PTPRM: variants seen among roughly 807,000 people sequenced by gnomAD.
PTPRM encodes receptor-type tyrosine-protein phosphatase mu.
In PTPRM, 47 loss-of-function variants were observed where a neutral mutation model predicts 186.7. The observed-to-expected ratio is 0.25, with a 90% CI of 0.20 to 0.32. The LOEUF (loss-of-function observed/expected upper bound fraction) is 0.32. Ranked by LOEUF, PTPRM falls within the 10% of genes least tolerant of loss-of-function variation. PTPRM has a pLI of 1.00. For synonymous variants in PTPRM, 668 were observed against 674.9 expected, an observed-to-expected ratio of 0.99 and a Z score of 0.16; for missense variants, 1,494 against 1,865.0, an observed-to-expected ratio of 0.80 and a Z score of 3.66.
At chr18:8,170,314 A>C (rs1012588081) in intron 14 of PTPRM, among the ~76,000 whole-genome samples, 1 of 152,166 alleles carries the variant, frequency 6.6e-6, no homozygotes, top group Non-Finnish European at 1.5e-5. Flanking sequence ...CTCAGCCAAG[A>C]AAAGGTCCCG....
intron 5 of PTPRM, among the ~76,000 whole-genome samples, chr18:7,947,823 T>A (rs903809754): frequency 3.3e-5 from 5 of 152,134 alleles, no homozygotes; most frequent in African/African-American, 1.2e-4. Flanking sequence ...AGCTCATCTT[T>A]CCTAAACCAC....
rs916488448 is a variant in PTPRM at position 7,568,849 on chromosome 18, C to A, written c.73+958C>A. Among the ~76,000 whole-genome samples the A allele has an allele frequency of 6.6e-6, 1 of 152,172 alleles. No individual in the cohort carries two copies. The highest frequency in any genetic ancestry group is 1.5e-5 in the Non-Finnish European group (1 of 68,034). ...CCCGGCACGCTGTCACAGGGGTTTACAACCAGGATGACCTTTATTACCTGG... is the reference window on the plus strand; with the variant it reads ...CCCGGCACGCTGTCACAGGGGTTTAAAACCAGGATGACCTTTATTACCTGG... On this transcript the variant is annotated intron_variant, in intron 1 of 32. Coordinates refer to ENST00000580170, the MANE Select transcript of PTPRM (RefSeq NM_001105244.2). The surrounding 1 kb of genome is among the most constrained non-coding windows in gnomAD (Gnocchi z 5.1).
At chr18:7,737,538 A>T (rs2040797554) in intron 1 of PTPRM, among the ~76,000 whole-genome samples, 1 of 152,114 alleles carries the variant, frequency 6.6e-6, no homozygotes, top group South Asian at 2.1e-4. Flanking sequence ...GATTAGACAG[A>T]CTCCAGGGCT....
intron 7 of PTPRM, among the ~76,000 whole-genome samples, chr18:8,055,641 C>G (rs961460009): frequency 2.0e-5 from 3 of 152,078 alleles, no homozygotes; most frequent in Non-Finnish European, 4.4e-5. Flanking sequence ...TTTCTTATCT[C>G]TTTTGACTCT....
intron 3 of PTPRM, among the ~76,000 whole-genome samples, chr18:7,894,447 G>T (rs1368581164): frequency 6.6e-6 from 1 of 151,760 alleles, no homozygotes; most frequent in Admixed American, 6.6e-5. Context: ...ATTAGCGGGC[G>T]TGGTGGCGGG....
chr18:8,373,399 C>T (rs1445580528), intron 24 of PTPRM, among the ~76,000 whole-genome samples: 1 of 152,126 alleles, frequency 6.6e-6, no homozygotes, highest in Non-Finnish European at 1.5e-5. Context: ...CTTTTATTTC[C>T]CACATAGCTG....
chr18:7,692,822 A>G (rs2039762704), intron 1 of PTPRM, among the ~76,000 whole-genome samples: 1 of 152,228 alleles, frequency 6.6e-6, no homozygotes, highest in South Asian at 2.1e-4. Flanking sequence ...GTGACTCTGG[A>G]AATGGCATTA....
chr18:7,990,602 C>A (rs1303302973), intron 7 of PTPRM, among the ~76,000 whole-genome samples: 1 of 152,014 alleles, frequency 6.6e-6, no homozygotes, highest in African/African-American at 2.4e-5. Flanking sequence ...GAGTTCTTCC[C>A]AAAAGGATGG....
At chr18:8,138,711 C>T (rs775763953) in intron 13 of PTPRM, among the ~76,000 whole-genome samples, 6 of 152,264 alleles carry the variant, frequency 3.9e-5, no homozygotes, top group East Asian at 1.9e-4. Context: ...TGGTTCTGCG[C>T]GCTGGTCTCA....
chr18:7,800,101 C>T (rs1295687338), intron 2 of PTPRM, among the ~76,000 whole-genome samples: 2 of 152,136 alleles, frequency 1.3e-5, no homozygotes, highest in Non-Finnish European at 2.9e-5. Flanking sequence ...GTCCCAGCTA[C>T]TGCAAGCCCA....
intron 7 of PTPRM, among the ~76,000 whole-genome samples, chr18:7,967,018 A>G (rs1453692483): frequency 3.9e-5 from 4 of 103,278 alleles, no homozygotes; most frequent in African/African-American, 1.2e-4. Context: ...CAGACAAACA[A>G]AAAGACAGCA....
chr18:8,114,769 T>A, intron 12 of PTPRM, 22 bp from the exon 13 acceptor site: 1 of 1,588,740 alleles, frequency 6.3e-7, no homozygotes. Flanking sequence ...TAATGATTTT[T>A]CCCTCTCTTT....
chr18:7,621,304 T>TTCTTTA (rs1385434250), intron 1 of PTPRM, among the ~76,000 whole-genome samples: 1 of 152,186 alleles, frequency 6.6e-6, no homozygotes, highest in Non-Finnish European at 1.5e-5. Flanking sequence ...AAATTAAGAC[T>TTCTTTA]AAAAGAGTAT....
intron 11 of PTPRM, among the ~76,000 whole-genome samples, chr18:8,097,119 CTATT>C (rs1352006796): frequency 1.3e-5 from 2 of 152,166 alleles, no homozygotes; most frequent in African/African-American, 4.8e-5. Context: ...CTCAATGTAA[CTATT>C]TATTATAAGA....
At chr18:7,735,957 C>G (rs527880258) in intron 1 of PTPRM, among the ~76,000 whole-genome samples, 1 of 152,076 alleles carries the variant, frequency 6.6e-6, no homozygotes, top group Non-Finnish European at 1.5e-5. Flanking sequence ...CGCCTCCCCC[C>G]ACCCCACCCT....
At chr18:7,796,749 C>T (rs1377337541) in intron 2 of PTPRM, among the ~76,000 whole-genome samples, 1 of 152,212 alleles carries the variant, frequency 6.6e-6, no homozygotes, top group Non-Finnish European at 1.5e-5. Flanking sequence ...CGCCATAACA[C>T]AATGCTTTAC....
chr18:7,624,976 A>C (rs2038025853), intron 1 of PTPRM, among the ~76,000 whole-genome samples: 1 of 152,196 alleles, frequency 6.6e-6, no homozygotes, highest in Non-Finnish European at 1.5e-5. Context: ...AACCAGGCAC[A>C]TTCCCTCTGC....
In PTPRM at chr18:7,705,297, A is replaced by ATCTGTCTG. The variant is rs1290747273; in HGVS notation, c.74-68849_74-68848insGTCTGTCT. Among the ~76,000 whole-genome samples, 653 of 143,352 alleles carry ATCTGTCTG rather than the reference A, an allele frequency of 4.6e-3. 8 individuals carry two copies. The highest frequency in any genetic ancestry group is 0.016 in the African/African-American group (638 of 40,558). 94.0% of individuals were successfully genotyped at this position (143,352 alleles called of 152,430 possible). On this transcript the variant is annotated intron_variant, in intron 1 of 32. Coordinates refer to ENST00000580170, the MANE Select transcript of PTPRM (RefSeq NM_001105244.2). ...TATCTATTTATCTATCTATCTATCT[A>ATCTGTCTG]TCTATCTATCTATCTATCTATCTAT...
chr18:8,040,500 A>G (rs917445448), intron 7 of PTPRM, among the ~76,000 whole-genome samples: 6 of 152,198 alleles, frequency 3.9e-5, no homozygotes, highest in Admixed American at 6.5e-5. Context: ...GATTTAAAGA[A>G]CAGAATCACA....
Sources: gnomAD v4.1 joint callset for allele counts (sites outside exome capture counted in the v4.1 genomes callset) on GRCh38, gnomAD v4.1.1 for gene constraint, Gnocchi (gnomAD v3.1) non-coding constraint, MANE v1.5 for transcripts, NCBI Gene and HGNC (gene_info 2026-07-23, HGNC 2026-07-21) for gene names.